Variants in HDHD2 observed in about 807,000 individuals in gnomAD.
The protein encoded by HDHD2 is haloacid dehalogenase like hydrolase domain containing 2.
In HDHD2, 26 loss-of-function variants were observed where a neutral mutation model predicts 24.8. That is an observed-to-expected ratio of 1.05 (90% CI 0.77 to 1.45). The LOEUF is 1.45. HDHD2 is among the 40% of genes most tolerant of loss of function. The pLI is 0.00. For missense variants in HDHD2, 299 were observed against 313.4 expected, an observed-to-expected ratio of 0.95 and a Z score of 0.35; for synonymous variants, 128 against 114.9, an observed-to-expected ratio of 1.11 and a Z score of -0.73.
chr18:47,137,177 T>C, intron 1 of HDHD2: 1 of 705,732 alleles, frequency 1.4e-6, no homozygotes. Context: ...ACAGGGATTG[T>C]CAATGAGGCA....
At chr18:47,136,932 C>T (rs1003946571) in intron 1 of HDHD2, 3 of 474,730 alleles carry the variant, frequency 6.3e-6, no homozygotes, top group African/African-American at 2.0e-5. Context: ...TCGTCCACCA[C>T]TGCCACCTCC....
At chr18:47,140,815 C>T (rs1037365420) in intron 1 of HDHD2, among the ~76,000 whole-genome samples, 2 of 149,478 alleles carry the variant, frequency 1.3e-5, no homozygotes, top group Non-Finnish European at 3.0e-5. Context: ...CTACACCTGG[C>T]CCCAAACTTT....
intron 4 of HDHD2, among the ~76,000 whole-genome samples, chr18:47,126,977 T>C (rs957012895): frequency 2.6e-5 from 4 of 152,224 alleles, no homozygotes; most frequent in Non-Finnish European, 4.4e-5. Context: ...CTGACTAACA[T>C]GGTGAAACCC....
In HDHD2 at chr18:47,108,591, G is replaced by A. The variant is rs2063491418; in HGVS notation, c.*91C>T. On this transcript the variant is annotated 3_prime_UTR_variant, in exon 7 of 7. Coordinates refer to ENST00000300605, the MANE Select transcript of HDHD2 (RefSeq NM_032124.5). ...GTTAAAAAGCGATCAGCACTGACTG[G>A]TGTCTACCGATGCTGGCACTGAGTT... The A allele has an allele frequency of 7.2e-6, 5 of 692,788 alleles. No homozygotes were observed. Among genetic ancestry groups the A allele is most frequent in the Non-Finnish European group, 5.1e-6 (2 of 390,790 alleles). 42.9% of individuals were successfully genotyped at this position (692,788 alleles called of 1,614,324 possible). A position where few individuals can be genotyped will look rare whatever the true frequency, so the allele number is the denominator to read the frequency against.
intron 4 of HDHD2, among the ~76,000 whole-genome samples, chr18:47,121,507 TA>T (rs2063606910): frequency 6.6e-6 from 1 of 152,224 alleles, no homozygotes; most frequent in Non-Finnish European, 1.5e-5. Context: ...ACCTGAACTG[TA>T]ACAGCCTTAC....
intron 1 of HDHD2, chr18:47,137,478 A>G (rs1264483809): frequency 5.5e-6 from 1 of 181,248 alleles, no homozygotes; most frequent in Non-Finnish European, 1.2e-5. Flanking sequence ...TATGTGCACA[A>G]GCATATTTCA....
At chr18:47,115,849 G>A (rs1476396735) in intron 4 of HDHD2, among the ~76,000 whole-genome samples, 2 of 152,058 alleles carry the variant, frequency 1.3e-5, no homozygotes, top group South Asian at 4.2e-4. Flanking sequence ...TTTTAATAAA[G>A]TGTTTTACAA....
chr18:47,149,622 T>C (rs1455556639), intron 1 of HDHD2, among the ~76,000 whole-genome samples: 1 of 152,148 alleles, frequency 6.6e-6, no homozygotes, highest in Non-Finnish European at 1.5e-5. Context: ...GGGACTTTTG[T>C]CTGCAACTAC....
Position 47,130,390 on chromosome 18 carries a change from A to G in HDHD2, c.311-62T>C, listed in dbSNP as rs932400866. The G allele has an allele frequency of 6.2e-6, 7 of 1,133,974 alleles. No individual in the cohort carries two copies. In the Admixed American group the frequency reaches 8.3e-5, roughly 13 times the overall value. The allele number at this position is 1,133,974 out of a possible 1,614,324, so 70.2% of individuals were successfully genotyped here. A position where few individuals can be genotyped will look rare whatever the true frequency, so the allele number is the denominator to read the frequency against. On this transcript the variant is annotated intron_variant, in intron 3 of 6. Transcript: ENST00000300605. ...AATTAAAAGCAATGTCACATTTTAA[A>G]AAAGTAGTCTTAGTCAATCAAGTGC... is the stretch of plus-strand genomic sequence containing the variant.
At chr18:47,140,271 G>C (rs2063807677) in intron 1 of HDHD2, among the ~76,000 whole-genome samples, 1 of 152,160 alleles carries the variant, frequency 6.6e-6, no homozygotes, top group Non-Finnish European at 1.5e-5. Flanking sequence ...AATCTACAGA[G>C]CAATATCAGG....
intron 1 of HDHD2, among the ~76,000 whole-genome samples, chr18:47,147,429 G>A (rs1432783366): frequency 6.6e-6 from 1 of 152,100 alleles, no homozygotes; most frequent in African/African-American, 2.4e-5. Context: ...AGACTAGACC[G>A]TTCCTAGGGA....
At position 47,150,372 on chromosome 18, in the gene HDHD2, T is replaced by C. The variant is rs1363346409; in HGVS notation, c.-11+6A>G. The C allele has an allele frequency of 6.6e-6, 1 of 152,426 alleles. No homozygotes were observed. Among genetic ancestry groups the C allele is most frequent in the African/African-American group, 2.4e-5 (1 of 41,468 alleles). The allele number at this position is 152,426 out of a possible 1,614,324, so 9.4% of individuals were successfully genotyped here. A position where few individuals can be genotyped will look rare whatever the true frequency, so the allele number is the denominator to read the frequency against. On this transcript the variant is annotated splice_donor_region_variant and intron_variant, in intron 1 of 6. Transcript: ENST00000300605. ...CTTCCTCTTCAGTCCTACAGCGGCT[T>C]CTCACCCACACTCCGTACGCCGTCC...
intron 6 of HDHD2, chr18:47,111,881 CTTT>C (rs2063518734): frequency 1.3e-6 from 1 of 780,768 alleles, no homozygotes; most frequent in African/African-American, 1.9e-5. Context: ...TGTAACTCTT[CTTT>C]GACTTTATGT....
intron 6 of HDHD2, chr18:47,110,595 T>C (rs1030048693): frequency 1.0e-6 from 1 of 985,262 alleles, no homozygotes; most frequent in African/African-American, 1.7e-5. Flanking sequence ...AAATAGAAAT[T>C]GACAAAAGTG....
At chr18:47,116,014 C>T (rs2063555713) in intron 4 of HDHD2, among the ~76,000 whole-genome samples, 1 of 152,156 alleles carries the variant, frequency 6.6e-6, no homozygotes, top group African/African-American at 2.4e-5. Flanking sequence ...AGAATACTCT[C>T]ACATCAGACA....
intron 1 of HDHD2, among the ~76,000 whole-genome samples, chr18:47,141,398 G>T (rs920334958): frequency 6.6e-6 from 1 of 152,120 alleles, no homozygotes; most frequent in African/African-American, 2.4e-5. Flanking sequence ...TATGATATTT[G>T]CCAGGTTTTT....
chr18:47,124,505 G>A (rs1396034802), intron 4 of HDHD2, among the ~76,000 whole-genome samples: 7 of 152,004 alleles, frequency 4.6e-5, no homozygotes, highest in African/African-American at 1.7e-4. Context: ...TCGGGAGTTC[G>A]AGACCAGCCT....
At chr18:47,130,416 A>C in intron 3 of HDHD2, 88 bp from the exon 4 acceptor site, 2 of 829,546 alleles carry the variant, frequency 2.4e-6, no homozygotes, top group Non-Finnish European at 3.9e-6. Flanking sequence ...AATCAAGTGC[A>C]AACTTTTGCT....
At chr18:47,117,646 A>G (rs952228912) in intron 4 of HDHD2, among the ~76,000 whole-genome samples, 5 of 152,190 alleles carry the variant, frequency 3.3e-5, no homozygotes, top group Non-Finnish European at 5.9e-5. Context: ...TACAGAGATA[A>G]TATGTCAGCA....
Sources: allele counts gnomAD v4.1 joint callset (sites outside exome capture counted in the v4.1 genomes callset), GRCh38; gene constraint gnomAD v4.1.1; transcripts MANE v1.5; gene names NCBI Gene and HGNC (gene_info 2026-07-23, HGNC 2026-07-21).